Variants in RALGAPA2 observed in about 807,000 individuals in gnomAD.
RALGAPA2 encodes Ral GTPase activating protein catalytic subunit alpha 2.
A neutral mutation model predicts 230.4 loss-of-function variants in RALGAPA2; 139 were observed. The observed-to-expected ratio is 0.60, with a 90% CI of 0.53 to 0.69. The LOEUF (loss-of-function observed/expected upper bound fraction) is 0.69, where lower values mean the gene tolerates loss of function less well. RALGAPA2 is among the 30% of genes least tolerant of loss of function. The pLI, the probability that RALGAPA2 is intolerant of heterozygous loss-of-function variation, is 0.00. For missense variants in RALGAPA2, 2,163 were observed against 2,276.0 expected (o/e 0.95, Z 1.01); for synonymous variants, 847 against 837.8 (o/e 1.01, Z -0.19).
chr20:20,403,840 T>G (rs972674048), intron 38 of RALGAPA2, among the ~76,000 whole-genome samples: 1 of 152,178 alleles, frequency 6.6e-6, no homozygotes, highest in Non-Finnish European at 1.5e-5. Context: ...CTGTTTTGCC[T>G]GAGATTAGGG....
At chr20:20,541,014 C>T (rs1421772129) in intron 24 of RALGAPA2, among the ~76,000 whole-genome samples, 2 of 150,054 alleles carry the variant, frequency 1.3e-5, no homozygotes, top group South Asian at 2.1e-4. Context: ...TTATATATCG[C>T]AATCTAGGCA....
intron 23 of RALGAPA2, among the ~76,000 whole-genome samples, chr20:20,556,413 A>G (rs767546278): frequency 2.6e-5 from 4 of 152,208 alleles, no homozygotes; most frequent in Non-Finnish European, 5.9e-5. Flanking sequence ...TTATAATTCC[A>G]TAAGATGAGG....
At position 20,398,662 on chromosome 20, in the gene RALGAPA2, G is replaced by A. The variant is rs1184452613; in HGVS notation, c.5618-1928C>T. Among the ~76,000 whole-genome samples, 1 of 152,118 alleles carries A rather than the reference G, an allele frequency of 6.6e-6. No homozygotes were observed. The highest frequency in any genetic ancestry group is 1.5e-5 in the Non-Finnish European group (1 of 68,030). On this transcript the variant is annotated intron_variant, in intron 38 of 39. Coordinates refer to ENST00000202677, the MANE Select transcript of RALGAPA2 (RefSeq NM_020343.4). This position sits in a 1 kb window ranked among gnomAD's most constrained non-coding sequence, Gnocchi z 4.5. ...GTGGAGGGCACCTGGAGGGCAATGT[G>A]CTCGGAGATGGGGGGTGGGAAGAGG...
intron 16 of RALGAPA2, among the ~76,000 whole-genome samples, chr20:20,594,295 T>A (rs1471819095): frequency 1.3e-5 from 2 of 152,230 alleles, no homozygotes; most frequent in Non-Finnish European, 2.9e-5. Flanking sequence ...TTCTTTATAC[T>A]ATTTTTCCTT....
chr20:20,400,332 A>G (rs2059805673), intron 38 of RALGAPA2, among the ~76,000 whole-genome samples: 1 of 152,194 alleles, frequency 6.6e-6, no homozygotes, highest in Non-Finnish European at 1.5e-5. Context: ...GGTCTTGCCC[A>G]TCACCCTTGG....
In RALGAPA2 at chr20:20,395,145, G is replaced by C. The variant is rs539709864; in HGVS notation, c.*35+1550C>G. 3.3e-4 allele frequency among the ~76,000 whole-genome samples: 51 copies of C among 152,328 alleles called. No homozygotes were observed. In the East Asian group the frequency reaches 6.2e-3, roughly 19 times the overall value. The stretch of plus-strand genomic sequence containing the variant: ...AAGCTCTGCAGAGAAGGGGGCCTGT[G>C]CACCTGAAAGCAGGGATCCCATGGC... On this transcript the variant is annotated intron_variant, in intron 39 of 39. Transcript: ENST00000202677.
chr20:20,607,345 TA>T (rs1283415213), intron 14 of RALGAPA2, among the ~76,000 whole-genome samples: 7 of 152,106 alleles, frequency 4.6e-5, no homozygotes, highest in Non-Finnish European at 1.0e-4. Context: ...TTTAAGAACA[TA>T]AAAATGTTAA....
At chr20:20,699,685 G>A (rs978913201) in intron 1 of RALGAPA2, among the ~76,000 whole-genome samples, 3 of 151,938 alleles carry the variant, frequency 2.0e-5, no homozygotes, top group Admixed American at 1.3e-4. Context: ...ACATACAAGC[G>A]GCCAACAAAC....
intron 30 of RALGAPA2, 116 bp downstream of exon 30, chr20:20,524,290 C>T (rs1021592486): frequency 5.8e-6 from 8 of 1,374,258 alleles, no homozygotes; most frequent in Non-Finnish European, 8.0e-6. Context: ...GTTTAAGCCA[C>T]CATAAATCCT....
intron 37 of RALGAPA2, among the ~76,000 whole-genome samples, chr20:20,417,468 T>A (rs189697007): frequency 4.7e-4 from 72 of 152,314 alleles, no homozygotes; most frequent in Admixed American, 4.7e-3. Flanking sequence ...CATGGCCTCT[T>A]CCTATTCTAT....
At chr20:20,532,378 A>T (rs560193073) in intron 26 of RALGAPA2, among the ~76,000 whole-genome samples, 143 of 152,322 alleles carry the variant, frequency 9.4e-4, no homozygotes, top group Admixed American at 1.3e-3. Flanking sequence ...ACTACACAGA[A>T]ATTTGGCTTT....
chr20:20,575,838 TTTCTCCTG>T (rs1368626033), intron 20 of RALGAPA2, among the ~76,000 whole-genome samples: 1 of 152,184 alleles, frequency 6.6e-6, no homozygotes, highest in East Asian at 1.9e-4. Flanking sequence ...TGCTACTGTC[TTTCTCCTG>T]CCATCTTTGT....
At chr20:20,480,429 T>G (rs975483596) in intron 36 of RALGAPA2, among the ~76,000 whole-genome samples, 7 of 152,102 alleles carry the variant, frequency 4.6e-5, no homozygotes, top group African/African-American at 1.7e-4. Flanking sequence ...ACCCCATGAG[T>G]TGGGGATGCT....
intron 31 of RALGAPA2, among the ~76,000 whole-genome samples, chr20:20,515,439 C>T (rs1228761157): frequency 6.6e-6 from 1 of 152,176 alleles, no homozygotes; most frequent in African/African-American, 2.4e-5. Context: ...ATCCACAGAT[C>T]CTTTGAAAGA....
At chr20:20,635,397 A>T (rs1202998228) in intron 9 of RALGAPA2, 21 bp downstream of exon 9, 11 of 1,567,018 alleles carry the variant, frequency 7.0e-6, no homozygotes, top group Admixed American at 1.9e-5. Flanking sequence ...TTAACAGATA[A>T]AAAGATGATG....
intron 37 of RALGAPA2, among the ~76,000 whole-genome samples, chr20:20,457,537 C>A (rs766764372): frequency 2.0e-5 from 3 of 152,210 alleles, no homozygotes; most frequent in Non-Finnish European, 2.9e-5. Context: ...CGTGTACTCA[C>A]TGAAAAAATA....
chr20:20,442,361 C>T (rs1316260486), intron 37 of RALGAPA2, among the ~76,000 whole-genome samples: 1 of 152,262 alleles, frequency 6.6e-6, no homozygotes, highest in Non-Finnish European at 1.5e-5. Flanking sequence ...GGCATCTTCA[C>T]TCCGCTCTCT....
intron 37 of RALGAPA2, among the ~76,000 whole-genome samples, chr20:20,426,384 G>A (rs1487175036): frequency 1.3e-5 from 2 of 152,150 alleles, no homozygotes; most frequent in African/African-American, 4.8e-5. Flanking sequence ...CTGCTAATCT[G>A]GTTCTAGGCT....
chr20:20,539,597 C>T (rs1298343906), intron 24 of RALGAPA2, among the ~76,000 whole-genome samples: 2 of 152,170 alleles, frequency 1.3e-5, no homozygotes, highest in African/African-American at 4.8e-5. Flanking sequence ...TATATCACCT[C>T]ATATAGTTCC....
Sources: gnomAD v4.1 joint callset for allele counts (sites outside exome capture counted in the v4.1 genomes callset) on GRCh38, gnomAD v4.1.1 for gene constraint, Gnocchi (gnomAD v3.1) non-coding constraint, MANE v1.5 for transcripts, NCBI Gene and HGNC (gene_info 2026-07-23, HGNC 2026-07-21) for gene names.